The following KDM4C variants were observed in gnomAD, a reference collection of about 807,000 sequenced individuals.
KDM4C encodes lysine-specific demethylase 4C.
In KDM4C, 81 loss-of-function variants were observed where a neutral mutation model predicts 129.3. The ratio of observed to expected loss-of-function variants is 0.63; its 90% confidence interval spans 0.52 to 0.75. KDM4C has a LOEUF of 0.75. KDM4C is among the 30% of genes least tolerant of loss of function. The probability of loss-of-function intolerance (pLI) is 0.00; values close to 1 mark genes in which losing one functional copy is unlikely to be tolerated. For missense variants in KDM4C, 1,457 were observed against 1,304.0 expected (o/e 1.12, Z -1.81); for synonymous variants, 573 against 456.1 (o/e 1.26, Z -3.26).
chr9:6,971,137 C>A (rs1311178697), intron 8 of KDM4C, among the ~76,000 whole-genome samples: 1 of 152,038 alleles, frequency 6.6e-6, no homozygotes, highest in East Asian at 1.9e-4. Flanking sequence ...AAACTATAGC[C>A]ATGTAGTGAT....
intron 20 of KDM4C, among the ~76,000 whole-genome samples, chr9:7,167,941 G>A (rs1479018636): frequency 5.9e-5 from 9 of 152,292 alleles, no homozygotes; most frequent in Non-Finnish European, 2.9e-5. Flanking sequence ...CAGCACTTTG[G>A]AAGGCCGAGG....
chr9:6,976,800 C>T (rs1020967625), intron 8 of KDM4C, among the ~76,000 whole-genome samples: 5 of 124,112 alleles, frequency 4.0e-5, no homozygotes, highest in South Asian at 3.1e-4. Flanking sequence ...AAGGAAATAG[C>T]AATAAATATG....
intron 1 of KDM4C, among the ~76,000 whole-genome samples, chr9:6,788,911 C>T (rs541105291): frequency 4.6e-5 from 7 of 152,108 alleles, no homozygotes; most frequent in Non-Finnish European, 5.9e-5. Context: ...GAAGGAATAC[C>T]GTGCAGAAAC....
At chr9:6,830,230 T>G (rs1405042155) in intron 4 of KDM4C, among the ~76,000 whole-genome samples, 1 of 152,254 alleles carries the variant, frequency 6.6e-6, no homozygotes, top group Non-Finnish European at 1.5e-5. Context: ...GAAACCAGGA[T>G]AACCGTGTAT....
At chr9:7,115,895 G>A (rs7872504) in intron 18 of KDM4C, among the ~76,000 whole-genome samples, 268 of 152,092 alleles carry the variant, frequency 1.8e-3, no homozygotes, top group African/African-American at 5.9e-3. Context: ...AAGTCAATAC[G>A]TCTTTTCTTT....
chr9:6,977,480 G>T (rs116199854), intron 8 of KDM4C, among the ~76,000 whole-genome samples: 1 of 152,104 alleles, frequency 6.6e-6, no homozygotes, highest in African/African-American at 2.4e-5. Context: ...CATACATGTT[G>T]CCATGTAATA....
intron 4 of KDM4C, chr9:6,835,193 T>G: frequency 8.6e-6 from 8 of 929,478 alleles, no homozygotes; most frequent in Middle Eastern, 2.1e-4. Flanking sequence ...GGCCAGGTCA[T>G]CACCATCGGC....
At chr9:6,819,195 C>A (rs1221000658) in intron 4 of KDM4C, 1 of 152,036 alleles carries the variant, frequency 6.6e-6, no homozygotes, top group Non-Finnish European at 1.5e-5. Context: ...CAAAAATGTC[C>A]TGAATTAGCT....
At chr9:6,907,002 G>T (rs1015755291) in intron 8 of KDM4C, among the ~76,000 whole-genome samples, 3 of 152,166 alleles carry the variant, frequency 2.0e-5, no homozygotes, top group Non-Finnish European at 2.9e-5. Flanking sequence ...CTCGTAACCA[G>T]TTTTAAACAA....
At chr9:6,748,004 C>T (rs1194633614) in intron 1 of KDM4C, among the ~76,000 whole-genome samples, 1 of 151,782 alleles carries the variant, frequency 6.6e-6, no homozygotes, top group East Asian at 1.9e-4. Context: ...ATGGTGAAAC[C>T]CTGCCTCCAC....
chr9:6,977,189 C>T (rs578251285), intron 8 of KDM4C, among the ~76,000 whole-genome samples: 23 of 152,238 alleles, frequency 1.5e-4, no homozygotes, highest in Admixed American at 7.2e-4. Context: ...AGTTTGCCAT[C>T]GGCTCCTCCC....
chr9:6,927,375 C>G (rs547380584), intron 8 of KDM4C, among the ~76,000 whole-genome samples: 186 of 152,326 alleles, frequency 1.2e-3, no homozygotes, highest in African/African-American at 4.4e-3. Context: ...AGTCATCCGC[C>G]TGCCTTGGCT....
intron 5 of KDM4C, among the ~76,000 whole-genome samples, chr9:6,875,657 T>C (rs182028005): frequency 1.3e-5 from 2 of 152,336 alleles, no homozygotes; most frequent in Admixed American, 6.5e-5. Context: ...CTCTTCTTAT[T>C]CACACTAACT....
chr9:7,084,554 A>T (rs994080500), intron 17 of KDM4C, among the ~76,000 whole-genome samples: 2 of 151,726 alleles, frequency 1.3e-5, no homozygotes, highest in East Asian at 1.9e-4. Flanking sequence ...ATGACTATTC[A>T]TAAGGCTGCT....
At chr9:6,770,332 A>G (rs1346988945) in intron 1 of KDM4C, among the ~76,000 whole-genome samples, 1 of 152,152 alleles carries the variant, frequency 6.6e-6, no homozygotes. Context: ...AAGTTGGTTA[A>G]ATATTTGAGA....
At chr9:6,798,591 G>T (rs1280251046) in intron 2 of KDM4C, among the ~76,000 whole-genome samples, 2 of 152,148 alleles carry the variant, frequency 1.3e-5, no homozygotes, top group Non-Finnish European at 2.9e-5. Context: ...CAAGGCAGAA[G>T]AATTTTTCTT....
At chr9:7,131,084 G>A (rs76863042) in intron 19 of KDM4C, among the ~76,000 whole-genome samples, 1 of 33,898 alleles carries the variant, frequency 3.0e-5, no homozygotes, top group African/African-American at 8.0e-5. Flanking sequence ...ACTTCTTCAG[G>A]AAAAAAACAA....
At chr9:6,822,051 T>C (rs979238935) in intron 4 of KDM4C, among the ~76,000 whole-genome samples, 4 of 152,232 alleles carry the variant, frequency 2.6e-5, no homozygotes, top group Admixed American at 2.6e-4. Flanking sequence ...AAGCAAGTTA[T>C]TATTTTTAAA....
intron 18 of KDM4C, among the ~76,000 whole-genome samples, chr9:7,125,501 G>A (rs770822297): frequency 1.3e-5 from 2 of 152,222 alleles, no homozygotes; most frequent in South Asian, 4.1e-4. Context: ...ACAAATGACT[G>A]TTGAGGAAAT....
Sources: gnomAD v4.1 joint callset for allele counts (sites outside exome capture counted in the v4.1 genomes callset) on GRCh38, gnomAD v4.1.1 for gene constraint, MANE v1.5 for transcripts, NCBI Gene and HGNC (gene_info 2026-07-23, HGNC 2026-07-21) for gene names.